The following SLC9A5 variants were observed in gnomAD, a reference collection of about 807,000 sequenced individuals.
The protein encoded by SLC9A5 is sodium/hydrogen exchanger 5.
Under a neutral mutation model 91.7 loss-of-function variants are expected in SLC9A5, and 52 were observed. The observed-to-expected ratio is 0.57, with a 90% CI of 0.45 to 0.71. The LOEUF (loss-of-function observed/expected upper bound fraction) is 0.71, where lower values mean the gene tolerates loss of function less well. SLC9A5 is among the 30% of genes least tolerant of loss of function. The pLI is 0.00. For synonymous variants in SLC9A5, 419 were observed against 474.5 expected (o/e 0.88, Z 1.52); for missense variants, 871 against 1,158.9 (o/e 0.75, Z 3.61).
chr16:67,264,654 C>T, intron 13 of SLC9A5, 132 bp downstream of exon 13: 1 of 850,430 alleles, frequency 1.2e-6, no homozygotes. Context: ...ATGACTACAG[C>T]AGTTTGGGTT....
rs2035279524 is a variant in SLC9A5 at position 67,255,487 on chromosome 16, C to T, written c.733+16C>T. The T allele has an allele frequency of 1.9e-6, 3 of 1,613,426 alleles. No individual in the cohort carries two copies. The highest frequency in any genetic ancestry group is 1.7e-6 in the Non-Finnish European group (2 of 1,179,444). ...AAGGGAGTCGGTCAGTATTTCCCCG[C>T]TCCCAGCTGGCATTGGAGGTCTGCC... On this transcript the variant is annotated intron_variant, in intron 4 of 15. Transcript: ENST00000299798. This position sits in a 1 kb window ranked among gnomAD's most constrained non-coding sequence, Gnocchi z 4.9.
chr16:67,260,861 C>T (rs1011128463), intron 12 of SLC9A5, among the ~76,000 whole-genome samples: 2 of 152,228 alleles, frequency 1.3e-5, no homozygotes, highest in Non-Finnish European at 2.9e-5. Context: ...GGCAGCAAGC[C>T]ATTACCTTGC....
intron 2 of SLC9A5, 54 bp from the exon 3 acceptor site, chr16:67,254,967 A>G: frequency 6.4e-7 from 1 of 1,563,194 alleles, no homozygotes; most frequent in Non-Finnish European, 8.7e-7. Flanking sequence ...GGCGTGCTCC[A>G]GGAGACTGGG....
chr16:67,259,167 G>A (rs1234511933), intron 10 of SLC9A5, among the ~76,000 whole-genome samples: 2 of 151,782 alleles, frequency 1.3e-5, no homozygotes, highest in African/African-American at 2.4e-5. Flanking sequence ...GCTGCGGCAG[G>A]AGAATCGCTT....
At chr16:67,251,053 A>G (rs1391699016) in intron 1 of SLC9A5, among the ~76,000 whole-genome samples, 1 of 152,230 alleles carries the variant, frequency 6.6e-6, no homozygotes. Flanking sequence ...GCACATTTGC[A>G]TACTTTATAT....
chr16:67,260,708 A>G (rs188142830), intron 12 of SLC9A5, among the ~76,000 whole-genome samples: 32 of 152,320 alleles, frequency 2.1e-4, no homozygotes, highest in Non-Finnish European at 3.8e-4. Flanking sequence ...AAGAGCACTG[A>G]GGAAGCCTCC....
In SLC9A5 at chr16:67,264,484, A is replaced by G. The variant is rs1462640713; in HGVS notation, c.1975A>G (p.Lys659Glu). The G allele has an allele frequency of 6.2e-7, 1 of 1,614,162 alleles. No homozygotes were observed. Among genetic ancestry groups the G allele is most frequent in the South Asian group, 1.1e-5 (1 of 91,080 alleles). ...CACCAAGCACAACATCTGCTTCACC[A>G]AGAGCAAGCCACGACCCCGCAAGAC... ...KSTKHNICFT[K>E]SKPRPRKTGR... The change falls in exon 13 of 16, where the codon AAG becomes GAG. Residue 659 changes from lysine to glutamate, a missense_variant. Lys to Glu is a moderately conservative substitution (Grantham distance 56). Transcript: ENST00000299798.
chr16:67,260,762 A>G (rs751219511), intron 12 of SLC9A5, among the ~76,000 whole-genome samples: 3 of 152,208 alleles, frequency 2.0e-5, no homozygotes, highest in Non-Finnish European at 4.4e-5. Flanking sequence ...GTTTTAAATA[A>G]TGGAAGTTAG....
At chr16:67,262,588 G>A (rs1258817118) in intron 12 of SLC9A5, 4 of 285,480 alleles carry the variant, frequency 1.4e-5, no homozygotes, top group African/African-American at 2.2e-5. Context: ...AAGTTCCCCA[G>A]GTGATTCAAA....
intron 12 of SLC9A5, chr16:67,261,622 A>G (rs975229482): frequency 1.3e-5 from 2 of 152,236 alleles, no homozygotes; most frequent in African/African-American, 4.8e-5. Flanking sequence ...CAGGGTCTAA[A>G]TAAGTCCACA....
chr16:67,263,025 G>A (rs1401854985), intron 12 of SLC9A5: 1 of 152,680 alleles, frequency 6.5e-6, no homozygotes, highest in East Asian at 1.9e-4. Context: ...TTCAAGGGAA[G>A]ACTTTCTTTA....
In SLC9A5 at chr16:67,271,232, A is replaced by C. The variant is rs2035914405; in HGVS notation, c.*22A>C. On this transcript the variant is annotated 3_prime_UTR_variant, in exon 16 of 16. Coordinates refer to ENST00000299798, the MANE Select transcript of SLC9A5 (RefSeq NM_004594.3). ...GTAGCTCAAGGCCTCGGGGAGGAGC[A>C]GGAGGTGGAATCCCTGTGGGAAGTG... The C allele has an allele frequency of 6.3e-7, 1 of 1,590,128 alleles. No homozygotes were observed. The highest frequency in any genetic ancestry group is 8.6e-7 in the Non-Finnish European group (1 of 1,168,126).
chr16:67,265,974 GTC>G, intron 14 of SLC9A5, 112 bp from the exon 15 acceptor site: 4 of 1,383,856 alleles, frequency 2.9e-6, no homozygotes, highest in Non-Finnish European at 3.9e-6. Flanking sequence ...GAAAGCAAGT[GTC>G]TCTGCCAACG....
Position 67,256,567 on chromosome 16 carries a change from G to C in SLC9A5, c.1010G>C (p.Ser337Thr). The change falls in exon 6 of 16, where the codon AGC (serine) becomes ACC (threonine). Residue 337 changes from serine to threonine, a missense_variant. Around this residue, in one of 3 missense-constraint regions of SLC9A5, gnomAD observed 454 missense variants for 718.3 expected, o/e 0.63. Transcript: ENST00000299798. This position sits in a 1 kb window ranked among gnomAD's most constrained non-coding sequence, Gnocchi z 4.1. ...AAATATACAATGAAGACTCTAGCCA[G>C]CTGTGCTGAGACCGTGATCTTCATG... Reference protein sequence around the residue: ...TVKYTMKTLASCAETVIFMLL... With the variant: ...TVKYTMKTLATCAETVIFMLL... 1 of 1,614,058 alleles carries C rather than the reference G, an allele frequency of 6.2e-7. No individual in the cohort carries two copies. The highest frequency in any genetic ancestry group is 8.5e-7 in the Non-Finnish European group (1 of 1,179,942).
In SLC9A5 at chr16:67,264,400, C is replaced by A. The variant is rs766655157; in HGVS notation, c.1891C>A (p.Arg631=). ...RHFISEDAQE[R]QDKEVFQQNM... is the part of the protein sequence containing the mutation. ...CTTCATCTCAGAGGATGCGCAGGAG[C>A]GGCAGGACAAGGAGGTCTTCCAGCA... The change falls in exon 13 of 16, where the codon CGG becomes AGG. Residue 631 remains arginine (R), a synonymous_variant. Transcript: ENST00000299798. 3 of 1,613,990 alleles carry A rather than the reference C, an allele frequency of 1.9e-6. No individual in the cohort carries two copies. In the African/African-American group the frequency reaches 4.0e-5, roughly 22 times the overall value.
rs2035157841 is a variant in SLC9A5, at chr16:67,252,350, T to C, written c.188-192T>C. Among the ~76,000 whole-genome samples, 1 of 151,872 alleles carries C rather than the reference T, an allele frequency of 6.6e-6. No homozygotes were observed. The highest frequency in any genetic ancestry group is 2.4e-5 in the African/African-American group (1 of 41,280). The stretch of plus-strand genomic sequence containing the variant: ...TCTGTAGTCCCCGTACTCAGGAGGC[T>C]GAGGCAGGAGAATCACTTGAACCCG... On this transcript the variant is annotated intron_variant, in intron 1 of 15. Coordinates refer to ENST00000299798, the MANE Select transcript of SLC9A5 (RefSeq NM_004594.3). This position sits in a 1 kb window ranked among gnomAD's most constrained non-coding sequence, Gnocchi z 4.0.
intron 2 of SLC9A5, among the ~76,000 whole-genome samples, chr16:67,254,415 G>T (rs1305414963): frequency 6.6e-6 from 1 of 151,934 alleles, no homozygotes; most frequent in Non-Finnish European, 1.5e-5. Flanking sequence ...ATTATTTTTT[G>T]AGACTGAGTC....
Position 67,257,499 on chromosome 16 carries a change from T to C in SLC9A5, c.1426-32T>C. 6.2e-7 allele frequency: 1 copy of C among 1,613,834 alleles called. No individual in the cohort carries two copies. The highest frequency in any genetic ancestry group is 1.7e-5 in the Admixed American group (1 of 60,006). On this transcript the variant is annotated intron_variant, in intron 8 of 15. Transcript: ENST00000299798. The surrounding 1 kb of genome is among the most constrained non-coding windows in gnomAD (Gnocchi z 5.1). ...CCTTCTCCTATTTTGGGCAGAGTCC[T>C]GATCCAGTCCCCCTACCCACCCCCC...
Position 67,255,044 on chromosome 16 carries a change from C to G in SLC9A5, c.514C>G (p.Leu172Val). ...LVAPRVQAGL[L>V]DFLLFGSLIS... ...AGCCCCTAGGGTGCAGGCTGGCTTACTGGACTTCCTGCTGTTTGGGAGCCT... is the reference window on the plus strand; with the variant it reads ...AGCCCCTAGGGTGCAGGCTGGCTTAGTGGACTTCCTGCTGTTTGGGAGCCT... The change falls in exon 3 of 16, where the codon CTG (leucine) becomes GTG (valine). Residue 172 changes from leucine (L) to valine (V), a missense_variant. Physicochemically the swap from Leu to Val is conservative, Grantham distance 32. Transcript: ENST00000299798. The surrounding 1 kb of genome is among the most constrained non-coding windows in gnomAD (Gnocchi z 4.9). The G allele has an allele frequency of 6.2e-7, 1 of 1,613,966 alleles. No individual in the cohort carries two copies. The highest frequency in any genetic ancestry group is 1.1e-5 in the South Asian group (1 of 91,062).
Sources: gnomAD v4.1 joint callset for allele counts (sites outside exome capture counted in the v4.1 genomes callset) on GRCh38, gnomAD v4.1.1 for gene constraint, gnomAD v4.1.1 regional missense constraint, Gnocchi (gnomAD v3.1) non-coding constraint, MANE v1.5 for transcripts, NCBI Gene and HGNC (gene_info 2026-07-23, HGNC 2026-07-21) for gene names.